The following GALNT13 variants were observed in gnomAD, a reference collection of about 807,000 sequenced individuals.
GALNT13 encodes the protein polypeptide N-acetylgalactosaminyltransferase 13.
A neutral mutation model predicts 64.2 loss-of-function variants in GALNT13; 28 were observed. The observed-to-expected ratio is 0.44, with a 90% CI of 0.32 to 0.60. The LOEUF (loss-of-function observed/expected upper bound fraction) is 0.60, where lower values mean the gene tolerates loss of function less well. GALNT13 is among the 20% of genes least tolerant of loss of function. GALNT13 has a pLI of 0.05. For synonymous variants in GALNT13, 214 were observed against 224.6 expected, an observed-to-expected ratio of 0.95 and a Z score of 0.42; for missense variants, 577 against 669.8, an observed-to-expected ratio of 0.86 and a Z score of 1.53.
At chr2:154,281,909 A>T (rs1036968696) in intron 8 of GALNT13, among the ~76,000 whole-genome samples, 13 of 152,042 alleles carry the variant, frequency 8.6e-5, no homozygotes, top group African/African-American at 3.1e-4. Flanking sequence ...GGCATCCTTT[A>T]AAAAAACCTA....
chr2:153,999,605 T>A (rs1382183855), intron 3 of GALNT13, among the ~76,000 whole-genome samples: 1 of 152,126 alleles, frequency 6.6e-6, no homozygotes, highest in East Asian at 1.9e-4. Flanking sequence ...TTTGTTAATG[T>A]GATTTATAAA....
chr2:153,950,072 A>T lies in GALNT13; in HGVS notation c.142+5433A>T, dbSNP rs1444674. Among the ~76,000 whole-genome samples, 11 of 151,812 alleles carry T rather than the reference A, an allele frequency of 7.2e-5. 1 individual carries two copies. In the South Asian group the frequency reaches 1.0e-3, roughly 14 times the overall value. On this transcript the variant is annotated intron_variant, in intron 3 of 12. Coordinates refer to ENST00000392825, the MANE Select transcript of GALNT13 (RefSeq NM_052917.4). ...AAACATAAAAAAATTACTGCAAAAAAATTGATAAATTTGACTATGTTAAAC... is the reference window on the plus strand; with the variant it reads ...AAACATAAAAAAATTACTGCAAAAATATTGATAAATTTGACTATGTTAAAC...
chr2:153,766,756 T>C, the GALNT13 span, among the ~76,000 whole-genome samples: 5 of 152,210 alleles, frequency 3.3e-5, no homozygotes, highest in Admixed American at 3.3e-4. Context: ...TGTTCATTTA[T>C]TACTTTCAAA....
chr2:153,419,219 C>G, the GALNT13 span, among the ~76,000 whole-genome samples: 1,509 of 152,112 alleles, frequency 9.9e-3, 20 homozygotes, highest in African/African-American at 0.034. Context: ...CAACAAGTGC[C>G]GAGCAAAAGG....
the GALNT13 span, among the ~76,000 whole-genome samples, chr2:153,436,037 A>G: frequency 1.3e-5 from 2 of 152,170 alleles, no homozygotes; most frequent in Non-Finnish European, 2.9e-5. Context: ...TTTAGCATGA[A>G]GTGCTGTTGA....
At chr2:153,150,612 T>C in the GALNT13 span, among the ~76,000 whole-genome samples, 1,276 of 152,142 alleles carry the variant, frequency 8.4e-3, 16 homozygotes, top group African/African-American at 0.028. Flanking sequence ...TTAGGTCTAA[T>C]GTTTAAGTCT....
At chr2:153,632,773 A>G in the GALNT13 span, among the ~76,000 whole-genome samples, 1 of 151,688 alleles carries the variant, frequency 6.6e-6, no homozygotes, top group Admixed American at 6.6e-5. Context: ...TATTTTTGAG[A>G]TGGAGTCTCA....
intron 12 of GALNT13, among the ~76,000 whole-genome samples, chr2:154,443,559 G>A (rs917679330): frequency 9.9e-5 from 15 of 151,772 alleles, no homozygotes; most frequent in East Asian, 1.9e-4. Context: ...AGACCTGTGC[G>A]ATTGGCTCTT....
At chr2:154,325,443 G>T (rs1694828406) in intron 9 of GALNT13, among the ~76,000 whole-genome samples, 1 of 152,136 alleles carries the variant, frequency 6.6e-6, no homozygotes, top group Non-Finnish European at 1.5e-5. Context: ...GGTAAATGAG[G>T]TGAGGCCTTG....
the GALNT13 span, among the ~76,000 whole-genome samples, chr2:153,431,391 A>G: frequency 6.6e-6 from 1 of 151,344 alleles, no homozygotes; most frequent in African/African-American, 2.4e-5. Flanking sequence ...CTTTCAGCTA[A>G]TAAATGACCA....
At chr2:153,596,253 A>C in the GALNT13 span, among the ~76,000 whole-genome samples, 5 of 152,190 alleles carry the variant, frequency 3.3e-5, no homozygotes, top group Non-Finnish European at 7.4e-5. Flanking sequence ...CTATGCCCAT[A>C]ACCAACACAG....
chr2:154,302,169 A>T (rs1223310498), intron 9 of GALNT13, among the ~76,000 whole-genome samples: 1 of 151,988 alleles, frequency 6.6e-6, no homozygotes, highest in African/African-American at 2.4e-5. Flanking sequence ...ACTTATTTTA[A>T]GAATTGAAAG....
intron 2 of GALNT13, among the ~76,000 whole-genome samples, chr2:153,944,068 A>G (rs1362890712): frequency 2.0e-5 from 3 of 152,202 alleles, no homozygotes; most frequent in Admixed American, 1.3e-4. Context: ...GAATTAGAGT[A>G]AAGTCAGAAT....
the GALNT13 span, among the ~76,000 whole-genome samples, chr2:153,850,873 G>GA: frequency 1.7e-3 from 264 of 152,054 alleles, 2 homozygotes; most frequent in Non-Finnish European, 2.2e-3. Flanking sequence ...TAAGAAAACT[G>GA]AAAAAAAGCA....
chr2:153,470,274 A>T, the GALNT13 span, among the ~76,000 whole-genome samples: 1 of 152,010 alleles, frequency 6.6e-6, no homozygotes, highest in Non-Finnish European at 1.5e-5. Context: ...ATGGCCTTGT[A>T]TCCTCACAGG....
chr2:154,028,001 G>C (rs982361961), intron 3 of GALNT13, among the ~76,000 whole-genome samples: 4 of 151,948 alleles, frequency 2.6e-5, no homozygotes, highest in African/African-American at 4.8e-5. Context: ...TACAATTTTG[G>C]CTTTTGCTCT....
At chr2:154,133,584 A>C (rs1401231436) in intron 3 of GALNT13, among the ~76,000 whole-genome samples, 31 of 115,286 alleles carry the variant, frequency 2.7e-4, no homozygotes, top group Admixed American at 9.0e-5. Context: ...ATATATATAT[A>C]TCTGAGATGG....
At chr2:153,637,342 A>G in the GALNT13 span, among the ~76,000 whole-genome samples, 1 of 152,192 alleles carries the variant, frequency 6.6e-6, no homozygotes, top group African/African-American at 2.4e-5. Context: ...ATTAACTAAC[A>G]GTACCTCAGG....
chr2:154,125,468 T>A (rs1327095508), intron 3 of GALNT13, among the ~76,000 whole-genome samples: 1 of 152,176 alleles, frequency 6.6e-6, no homozygotes, highest in South Asian at 2.1e-4. Context: ...TGTTCAGTTA[T>A]ATCTGAATAG....
Sources: allele counts gnomAD v4.1 joint callset (sites outside exome capture counted in the v4.1 genomes callset), GRCh38; gene constraint gnomAD v4.1.1; transcripts MANE v1.5; gene names NCBI Gene and HGNC (gene_info 2026-07-23, HGNC 2026-07-21).